Variants in SCEL observed in about 807,000 individuals in gnomAD.
SCEL encodes the protein sciellin.
SCEL carries 113 observed loss-of-function variants against 117.6 expected under a neutral mutation model. The ratio of observed to expected loss-of-function variants is 0.96; its 90% CI spans 0.83 to 1.12. The LOEUF is 1.12. SCEL is among the 50% of genes most tolerant of loss of function. The pLI, the probability that SCEL is intolerant of heterozygous loss-of-function variation, is 0.00. For synonymous variants in SCEL, 270 were observed against 256.2 expected (o/e 1.05, Z -0.51); for missense variants, 785 against 810.8 (o/e 0.97, Z 0.39).
At chr13:77,587,752 C>T (rs1594035593) in intron 9 of SCEL, among the ~76,000 whole-genome samples, 1 of 152,256 alleles carries the variant, frequency 6.6e-6, no homozygotes, top group East Asian at 1.9e-4. Context: ...GCCACTCCTC[C>T]TGATTCTTTT....
At chr13:77,617,702 T>C (rs2089157527) in intron 25 of SCEL, 44 bp downstream of exon 25, 1 of 1,471,232 alleles carries the variant, frequency 6.8e-7, no homozygotes, top group Non-Finnish European at 9.4e-7. Context: ...TCAGAAAGAA[T>C]ATTAAGTTTT....
intron 15 of SCEL, among the ~76,000 whole-genome samples, chr13:77,601,824 C>T (rs1490608954): frequency 6.6e-6 from 1 of 152,170 alleles, no homozygotes; most frequent in African/African-American, 2.4e-5. Context: ...AAGTTGACTC[C>T]ATCATAACTG....
intron 30 of SCEL, among the ~76,000 whole-genome samples, chr13:77,639,700 T>C (rs1343011959): frequency 2.6e-5 from 4 of 152,182 alleles, no homozygotes; most frequent in Admixed American, 2.6e-4. Context: ...TAGTGGCTTG[T>C]CAGGAATGTT....
chr13:77,577,620 C>T (rs187773199), intron 9 of SCEL, among the ~76,000 whole-genome samples: 15 of 152,214 alleles, frequency 9.9e-5, no homozygotes, highest in Admixed American at 5.9e-4. Context: ...TTCAATATTT[C>T]GCTTCTATGT....
At chr13:77,558,819 C>CG (rs2084808564) in intron 3 of SCEL, among the ~76,000 whole-genome samples, 1 of 89,740 alleles carries the variant, frequency 1.1e-5, no homozygotes, top group Non-Finnish European at 2.0e-5. Flanking sequence ...CTCTGTCTTA[C>CG]AAAAAAAAAA....
chr13:77,563,923 A>G (rs1045774259), intron 5 of SCEL, 24 bp downstream of exon 5: 2 of 1,429,438 alleles, frequency 1.4e-6, no homozygotes, highest in Admixed American at 4.6e-5. Flanking sequence ...GAACCATATA[A>G]ATGGAATGCA....
chr13:77,632,443 C>T (rs558398740), intron 28 of SCEL, among the ~76,000 whole-genome samples: 57 of 152,290 alleles, frequency 3.7e-4, no homozygotes, highest in Non-Finnish European at 6.9e-4. Context: ...TTCTAATAAT[C>T]GTGTTAGAAA....
chr13:77,613,888 T>G lies in SCEL; in HGVS notation c.1389-5T>G. ...ATTTGCCGATTTCCTCTAATTTTGT[T>G]TTAGCAGTGAACAAGGTCTTGATGA... On this transcript the variant is annotated splice_region_variant and splice_polypyrimidine_tract_variant and intron_variant, in intron 23 of 32. Coordinates refer to ENST00000349847, the MANE Select transcript of SCEL (RefSeq NM_144777.3). 4 of 1,612,772 alleles carry G rather than the reference T, an allele frequency of 2.5e-6. No homozygotes were observed. The highest frequency in any genetic ancestry group is 3.4e-6 in the Non-Finnish European group (4 of 1,179,184).
At chr13:77,568,733 G>A (rs2085426577) in intron 7 of SCEL, among the ~76,000 whole-genome samples, 2 of 151,946 alleles carry the variant, frequency 1.3e-5, no homozygotes, top group Non-Finnish European at 2.9e-5. Flanking sequence ...AAATTGAATT[G>A]GGAAAACATG....
chr13:77,636,458 G>A (rs1000620402), intron 29 of SCEL, among the ~76,000 whole-genome samples: 50 of 152,268 alleles, frequency 3.3e-4, no homozygotes, highest in African/African-American at 1.2e-3. Context: ...ATGAAATAAA[G>A]AAACATATTG....
intron 8 of SCEL, among the ~76,000 whole-genome samples, chr13:77,570,659 C>T (rs775487278): frequency 6.6e-6 from 1 of 152,184 alleles, no homozygotes; most frequent in Admixed American, 6.5e-5. Context: ...GCATATCATT[C>T]TCATCTGAAT....
In SCEL at chr13:77,610,084, G is replaced by A. The variant is rs757308842; in HGVS notation, c.1315G>A (p.Glu439Lys). 1.2e-6 allele frequency: 2 copies of A among 1,609,766 alleles called. No homozygotes were observed. Among genetic ancestry groups the A allele is most frequent in the Admixed American group, 3.4e-5 (2 of 59,658 alleles). Residue 439 changes from glutamate (E) to lysine (K), a missense_variant, in exon 22 of 33, where the codon GAA (glutamate) becomes AAA (lysine). By Grantham distance (56) the Glu-to-Lys change is moderately conservative. Transcript: ENST00000349847. ...CGACAGCCTCATTAAAGTGACTCCT[G>A]AAAGAAACAGAACTAACCAAGGGTA... ...SLDSLIKVTP[E>K]RNRTNQGNQD...
At chr13:77,624,137 C>T (rs961529385) in intron 27 of SCEL, among the ~76,000 whole-genome samples, 1 of 145,704 alleles carries the variant, frequency 6.9e-6, no homozygotes, top group Non-Finnish European at 1.5e-5. Context: ...TGGAGTCTCA[C>T]CCTCTTGCCC....
At chr13:77,539,633 G>A (rs2083591922) in intron 1 of SCEL, among the ~76,000 whole-genome samples, 1 of 151,998 alleles carries the variant, frequency 6.6e-6, no homozygotes, top group African/African-American at 2.4e-5. Flanking sequence ...CGCCTCCCGG[G>A]TTCACATCAT....
intron 9 of SCEL, among the ~76,000 whole-genome samples, chr13:77,579,465 A>G (rs548862766): frequency 3.9e-5 from 6 of 152,314 alleles, no homozygotes; most frequent in East Asian, 1.9e-4. Context: ...GCTGTATTCT[A>G]TGTGCTAAGT....
chr13:77,570,923 C>A (rs2085566404), intron 8 of SCEL, among the ~76,000 whole-genome samples: 1 of 151,608 alleles, frequency 6.6e-6, no homozygotes, highest in Non-Finnish European at 1.5e-5. Flanking sequence ...ACCTCTGCCT[C>A]CCAGGTTTAA....
chr13:77,583,638 A>G (rs201338647), intron 9 of SCEL, among the ~76,000 whole-genome samples: 1 of 152,240 alleles, frequency 6.6e-6, no homozygotes, highest in East Asian at 1.9e-4. Flanking sequence ...GGTTGTCTAC[A>G]GTATGATATA....
intron 28 of SCEL, among the ~76,000 whole-genome samples, chr13:77,630,769 T>A (rs2089987344): frequency 6.6e-6 from 1 of 152,214 alleles, no homozygotes; most frequent in African/African-American, 2.4e-5. Flanking sequence ...GGGTTTGTAT[T>A]TGTAGAGTCA....
At chr13:77,617,278 G>T (rs148519234) in intron 24 of SCEL, among the ~76,000 whole-genome samples, 1 of 152,176 alleles carries the variant, frequency 6.6e-6, no homozygotes, top group East Asian at 1.9e-4. Context: ...TAAAAATAAG[G>T]ATATTAAAAT....
Sources: gnomAD v4.1 joint callset for allele counts (sites outside exome capture counted in the v4.1 genomes callset) on GRCh38, gnomAD v4.1.1 for gene constraint, MANE v1.5 for transcripts, NCBI Gene and HGNC (gene_info 2026-07-23, HGNC 2026-07-21) for gene names.